The following MEF2A variants were observed in gnomAD, a reference collection of about 807,000 sequenced individuals.
The protein encoded by MEF2A is myocyte enhancer factor 2A.
A neutral mutation model predicts 55.8 loss-of-function variants in MEF2A; 28 were observed. That is an observed-to-expected ratio of 0.50 (90% CI 0.37 to 0.69). The LOEUF (loss-of-function observed/expected upper bound fraction) is 0.69. Ranked by LOEUF, MEF2A falls within the 30% of genes least tolerant of loss-of-function variation. The pLI is 0.00. For synonymous variants in MEF2A, 239 were observed against 227.1 expected, an observed-to-expected ratio of 1.05 and a Z score of -0.47; for missense variants, 528 against 626.2, an observed-to-expected ratio of 0.84 and a Z score of 1.67.
At chr15:99,624,100 C>T (rs566501200) in intron 2 of MEF2A, among the ~76,000 whole-genome samples, 20 of 152,254 alleles carry the variant, frequency 1.3e-4, no homozygotes, top group African/African-American at 3.4e-4. Flanking sequence ...GCATGGCGCC[C>T]GGCCGTGATC....
At position 99,678,518 on chromosome 15, in the gene MEF2A, A is replaced by G. The variant is rs182333905; in HGVS notation, c.670+3060A>G. On this transcript the variant is annotated intron_variant, in intron 7 of 11. Transcript: ENST00000557942. The stretch of plus-strand genomic sequence containing the variant: ...GATAGTTTTGCGTTACCTTTAAACC[A>G]TATCATTTTTACCAATATTGTCATT... 1.1e-4 allele frequency: 42 copies of G among 389,496 alleles called. 2 individuals carry two copies. In the Admixed American group the frequency reaches 1.9e-3, roughly 18 times the overall value. The allele number at this position is 389,496 out of a possible 1,614,324, so 24.1% of individuals were successfully genotyped here. A position where few individuals can be genotyped will look rare whatever the true frequency, so the allele number is the denominator to read the frequency against.
intron 2 of MEF2A, among the ~76,000 whole-genome samples, chr15:99,607,037 T>C (rs1187795288): frequency 6.6e-6 from 1 of 152,142 alleles, no homozygotes; most frequent in Non-Finnish European, 1.5e-5. Context: ...GTTTCTCAAA[T>C]GAAGCCAGAA....
chr15:99,702,050 T>A lies in MEF2A; in HGVS notation c.859-1312T>A, dbSNP rs530931511. On this transcript the variant is annotated intron_variant, in intron 8 of 11. Transcript: ENST00000557942. Reference sequence around the variant, plus strand: ...ACACGCTTATTCCTGTATATTAAAGTGAAAACCATATGTTTTACACATACA... The same window carrying A: ...ACACGCTTATTCCTGTATATTAAAGAGAAAACCATATGTTTTACACATACA... 2.6e-5 allele frequency among the ~76,000 whole-genome samples: 4 copies of A among 152,360 alleles called. No homozygotes were observed. In the South Asian group the frequency reaches 8.3e-4, roughly 32 times the overall value.
chr15:99,609,985 C>G (rs759935237), intron 2 of MEF2A, among the ~76,000 whole-genome samples: 11 of 152,000 alleles, frequency 7.2e-5, no homozygotes, highest in Non-Finnish European at 1.5e-4. Context: ...TAGACAGCCA[C>G]TTGGGTTTCT....
chr15:99,699,990 A>G (rs34235892), intron 8 of MEF2A, among the ~76,000 whole-genome samples: 48,159 of 126,138 alleles, frequency 0.38, 9,726 homozygotes, highest in Middle Eastern at 0.56. Flanking sequence ...GTGTGTATAT[A>G]TATATATATA....
At chr15:99,577,063 T>G (rs908360681) in intron 1 of MEF2A, among the ~76,000 whole-genome samples, 2 of 152,386 alleles carry the variant, frequency 1.3e-5, no homozygotes, top group East Asian at 3.9e-4. Flanking sequence ...GTTTCGTTCA[T>G]TAGCAAGTAA....
intron 1 of MEF2A, among the ~76,000 whole-genome samples, chr15:99,592,146 C>G (rs1048399219): frequency 6.6e-6 from 1 of 151,702 alleles, no homozygotes; most frequent in African/African-American, 2.4e-5. Context: ...TGCTTTTACA[C>G]TTTGTTCTGG....
At chr15:99,619,826 A>G (rs1481387823) in intron 2 of MEF2A, among the ~76,000 whole-genome samples, 1 of 152,220 alleles carries the variant, frequency 6.6e-6, no homozygotes, top group Non-Finnish European at 1.5e-5. Context: ...TCAGGTGCCA[A>G]AGGTTATACA....
intron 4 of MEF2A, among the ~76,000 whole-genome samples, chr15:99,660,379 G>T (rs1430221752): frequency 6.6e-6 from 1 of 152,180 alleles, no homozygotes; most frequent in African/African-American, 2.4e-5. Flanking sequence ...CTGTGGTTAG[G>T]AGTGGCCATG....
In MEF2A at chr15:99,626,866, A is replaced by C. The variant is rs547039356; in HGVS notation, c.-142-6112A>C. Among the ~76,000 whole-genome samples the C allele has an allele frequency of 3.3e-5, 5 of 152,336 alleles. No individual in the cohort carries two copies. The South Asian group carries it at 1.0e-3, about 32-fold the overall frequency. ...ATCTAACCGAAAGCGAAGATGACTG[A>C]TGCATGTTGGAGATGTAAGCAGAGA... is the stretch of plus-strand genomic sequence containing the variant. On this transcript the variant is annotated intron_variant, in intron 2 of 11. Coordinates refer to ENST00000557942, the MANE Select transcript of MEF2A (RefSeq NM_001319206.4).
chr15:99,706,933 TA>T (rs1597316341), intron 10 of MEF2A, 78 bp downstream of exon 10: 12 of 1,457,966 alleles, frequency 8.2e-6, no homozygotes, highest in Non-Finnish European at 1.1e-5. Flanking sequence ...TGATTTTTTT[TA>T]AGTATATTTA....
intron 7 of MEF2A, among the ~76,000 whole-genome samples, chr15:99,676,198 T>G (rs186536789): frequency 5.3e-5 from 8 of 152,308 alleles, no homozygotes; most frequent in Non-Finnish European, 1.2e-4. Flanking sequence ...TATTAAATAT[T>G]TTAATGGAAT....
chr15:99,641,142 A>C (rs535107682), intron 3 of MEF2A, among the ~76,000 whole-genome samples: 20 of 152,152 alleles, frequency 1.3e-4, no homozygotes, highest in Admixed American at 6.5e-4. Context: ...AGAGCCCCCC[A>C]GGGAAGAGGA....
intron 2 of MEF2A, among the ~76,000 whole-genome samples, chr15:99,602,723 TGTGTGTGGGGGG>T (rs1306698591): frequency 5.7e-5 from 2 of 35,104 alleles, no homozygotes; most frequent in Non-Finnish European, 1.5e-4. Context: ...TTTTTGTGTG[TGTGTGTGGGGGG>T]GTGGGGGTGG....
chr15:99,611,297 A>G lies in MEF2A; in HGVS notation c.-143+12786A>G, dbSNP rs1258792279. Among the ~76,000 whole-genome samples the G allele has an allele frequency of 2.0e-5, 3 of 152,248 alleles. No individual in the cohort carries two copies. In the South Asian group the frequency reaches 6.2e-4, roughly 32 times the overall value. ...GGGAGAAGGTATTTACAGATCATAT[A>G]TTTGTAAGTGTTAGTATCCAGAATA... On this transcript the variant is annotated intron_variant, in intron 2 of 11. Transcript: ENST00000557942.
rs138203826 is a variant in MEF2A, at chr15:99,581,281, C to T, written c.-225+15177C>T. Among the ~76,000 whole-genome samples, 477 of 152,210 alleles carry T rather than the reference C, an allele frequency of 3.1e-3. 4 individuals are homozygous for T. The highest frequency in any genetic ancestry group is 0.011 in the African/African-American group (439 of 41,556). ...ATATTGGCTTTTAACATCAGAATTC[C>T]ATCATAATATAAATTAAAATCTTTT... is the stretch of plus-strand genomic sequence containing the variant. On this transcript the variant is annotated intron_variant, in intron 1 of 11. Transcript: ENST00000557942.
chr15:99,629,446 A>G (rs1046256151), intron 2 of MEF2A, among the ~76,000 whole-genome samples: 2 of 152,340 alleles, frequency 1.3e-5, no homozygotes, highest in African/African-American at 2.4e-5. Context: ...GTCGGGTCGT[A>G]CAATCTAAAC....
intron 1 of MEF2A, among the ~76,000 whole-genome samples, chr15:99,571,192 AAAAAAC>A (rs1388525883): frequency 1.3e-5 from 2 of 151,842 alleles, no homozygotes; most frequent in African/African-American, 4.8e-5. Context: ...TCCAAAAAAA[AAAAAAC>A]AACAACAACA....
At chr15:99,702,953 A>G (rs2057589484) in intron 8 of MEF2A, among the ~76,000 whole-genome samples, 1 of 152,230 alleles carries the variant, frequency 6.6e-6, no homozygotes, top group Non-Finnish European at 1.5e-5. Context: ...GATAACATGT[A>G]TCACCAGGTG....
Sources: allele counts gnomAD v4.1 joint callset (sites outside exome capture counted in the v4.1 genomes callset), GRCh38; gene constraint gnomAD v4.1.1; transcripts MANE v1.5; gene names NCBI Gene and HGNC (gene_info 2026-07-23, HGNC 2026-07-21).